The following ADGRF5 variants were observed in gnomAD, a reference collection of about 807,000 sequenced individuals.
ADGRF5 encodes the protein adhesion G protein-coupled receptor F5.
In ADGRF5, 75 loss-of-function variants were observed where a neutral mutation model predicts 132.3. The observed-to-expected ratio is 0.57, with a 90% CI of 0.47 to 0.69. The LOEUF (loss-of-function observed/expected upper bound fraction) is 0.69. Among genes scored for constraint, ADGRF5 ranks in the 30% least tolerant of loss-of-function variants. The pLI is 0.00. For synonymous variants in ADGRF5, 629 were observed against 597.6 expected (o/e 1.05, Z -0.77); for missense variants, 1,516 against 1,630.6 (o/e 0.93, Z 1.21).
intron 3 of ADGRF5, among the ~76,000 whole-genome samples, chr6:46,893,277 G>A (rs986596252): frequency 8.6e-5 from 13 of 151,850 alleles, no homozygotes; most frequent in Non-Finnish European, 1.5e-4. Context: ...CCCCCAGTAC[G>A]CACTTGAAAT....
intron 15 of ADGRF5, 40 bp downstream of exon 15, chr6:46,862,848 C>T (rs1279152889): frequency 3.0e-6 from 4 of 1,323,086 alleles, no homozygotes; most frequent in Non-Finnish European, 4.4e-6. Flanking sequence ...CCAGATAGAT[C>T]GCCCCACCAA....
rs771301621 is a variant in ADGRF5 at position 46,853,785 on chromosome 6, G to A, written c.*207C>T. 203 of 431,198 alleles carry A rather than the reference G, an allele frequency of 4.7e-4. No homozygotes were observed. Among genetic ancestry groups the A allele is most frequent in the South Asian group, 8.2e-4 (32 of 38,996 alleles). The allele number at this position is 431,198 out of a possible 1,614,324, so 26.7% of individuals were successfully genotyped here. ...CTATACACATGTGGTATCACACAAG[G>A]GGGAGGGGGAGGGAACAAACAGAAA... On this transcript the variant is annotated 3_prime_UTR_variant, in exon 21 of 21. Coordinates refer to ENST00000283296, the MANE Select transcript of ADGRF5 (RefSeq NM_001098518.2).
At chr6:46,854,731 T>C (rs1768841906) in intron 20 of ADGRF5, 2 of 1,286,764 alleles carry the variant, frequency 1.6e-6, no homozygotes, top group African/African-American at 1.5e-5. Context: ...ATTGCTGAAC[T>C]GCCACCGCTA....
At chr6:46,855,940 G>T in intron 20 of ADGRF5, 34 bp downstream of exon 20, 2 of 1,252,892 alleles carry the variant, frequency 1.6e-6, no homozygotes, top group South Asian at 1.2e-5. Flanking sequence ...ATGTGTTCTG[G>T]ACAAGCAGGG....
At position 46,856,711 on chromosome 6, in the gene ADGRF5, A is replaced by G. The variant is rs643409; in HGVS notation, c.3876+7T>C. 0.91 allele frequency: 1,147,668 copies of G among 1,267,342 alleles called. 524,585 individuals are homozygous for G. Among genetic ancestry groups the G allele is most frequent in the East Asian group, 0.99 (42,799 of 43,160 alleles). The allele number at this position is 1,267,342 out of a possible 1,614,324, so 78.5% of individuals were successfully genotyped here. ...AAATGAAAAGTCTCTGCAGAGAAAA[A>G]GTTTACCTTTGAGTGCTGTGAAGAC... is the stretch of plus-strand genomic sequence containing the variant. On this transcript the variant is annotated splice_region_variant and intron_variant, in intron 19 of 20. Coordinates refer to ENST00000283296, the MANE Select transcript of ADGRF5 (RefSeq NM_001098518.2).
intron 1 of ADGRF5, among the ~76,000 whole-genome samples, chr6:46,938,056 T>C (rs578054046): frequency 5.9e-5 from 9 of 152,328 alleles, no homozygotes; most frequent in Admixed American, 2.0e-4. Flanking sequence ...TTCAGAGTTA[T>C]CAATACCAGA....
intron 1 of ADGRF5, among the ~76,000 whole-genome samples, chr6:46,945,376 T>C (rs1042064377): frequency 2.6e-5 from 4 of 152,240 alleles, no homozygotes; most frequent in African/African-American, 4.8e-5. Flanking sequence ...GAGAACAAGA[T>C]GTTATTTCAC....
chr6:46,854,452 A>AGG (rs1768805959), intron 20 of ADGRF5, among the ~76,000 whole-genome samples: 1 of 152,106 alleles, frequency 6.6e-6, no homozygotes, highest in African/African-American at 2.4e-5. Context: ...AGCTCTTGGG[A>AGG]GGCACCTAGA....
intron 1 of ADGRF5, among the ~76,000 whole-genome samples, chr6:46,953,675 A>C (rs1270837372): frequency 7.3e-6 from 1 of 136,210 alleles, no homozygotes; most frequent in Non-Finnish European, 1.6e-5. Context: ...ATATATATAT[A>C]TATATATATA....
At chr6:46,941,466 G>GAAAAGAAAAGAAAAGAAAAGA (rs66918453) in intron 1 of ADGRF5, among the ~76,000 whole-genome samples, 24 of 28,044 alleles carry the variant, frequency 8.6e-4, no homozygotes, top group African/African-American at 2.2e-3. Context: ...GAAAAGAAAA[G>GAAAAGAAAAGAAAAGAAAAGA]AAAGAAAAGA....
intron 11 of ADGRF5, chr6:46,869,498 CTT>C (rs1770818599): frequency 2.5e-6 from 1 of 392,376 alleles, no homozygotes; most frequent in Admixed American, 6.4e-5. Flanking sequence ...AATCTCTACT[CTT>C]TTAAAATACT....
rs183668801 is a variant in ADGRF5, at chr6:46,896,009, T to C, written c.157+4020A>G. Among the ~76,000 whole-genome samples, 16 of 152,200 alleles carry C rather than the reference T, an allele frequency of 1.1e-4. No homozygotes were observed. In the East Asian group the frequency reaches 2.7e-3, roughly 26 times the overall value. On this transcript the variant is annotated intron_variant, in intron 3 of 20. Transcript: ENST00000283296. ...CCCAAGTCACATCTGTCCAAGACCT[T>C]TTGCTGTGTTTTTCAAAATGTCTTT...
chr6:46,853,443 G>A lies in ADGRF5; in HGVS notation c.*549C>T, dbSNP rs1380750829. On this transcript the variant is annotated 3_prime_UTR_variant, in exon 21 of 21. Coordinates refer to ENST00000283296, the MANE Select transcript of ADGRF5 (RefSeq NM_001098518.2). ...AAAAATTCTCAATGTTGCACTGAGT[G>A]ATTATATTAGATCATTAACATGGAA... The A allele has an allele frequency of 6.6e-6, 1 of 152,450 alleles. No individual in the cohort carries two copies. The highest frequency in any genetic ancestry group is 1.5e-5 in the Non-Finnish European group (1 of 68,446). 9.4% of individuals were successfully genotyped at this position (152,450 alleles called of 1,614,324 possible).
At chr6:46,867,159 T>C in intron 12 of ADGRF5, 22 bp from the exon 13 acceptor site, 1 of 1,231,038 alleles carries the variant, frequency 8.1e-7, no homozygotes, top group Non-Finnish European at 1.1e-6. Context: ...ACGGCAAAAA[T>C]GAGATGGAAT....
At chr6:46,935,421 G>A (rs1041038381) in intron 1 of ADGRF5, among the ~76,000 whole-genome samples, 4 of 152,110 alleles carry the variant, frequency 2.6e-5, no homozygotes, top group African/African-American at 7.2e-5. Context: ...CTGGTGTCAC[G>A]GATTCCAGAG....
chr6:46,918,055 T>C (rs560921809), intron 1 of ADGRF5, among the ~76,000 whole-genome samples: 2 of 152,358 alleles, frequency 1.3e-5, no homozygotes, highest in East Asian at 1.9e-4. Context: ...GTGATTCTAC[T>C]AGGCTGTAAT....
intron 1 of ADGRF5, among the ~76,000 whole-genome samples, chr6:46,931,814 G>T (rs1166610678): frequency 2.0e-5 from 3 of 152,202 alleles, no homozygotes; most frequent in African/African-American, 7.2e-5. Flanking sequence ...CAGCTACTCG[G>T]GAGGCTGAGG....
At chr6:46,950,367 T>C (rs1414469348) in intron 1 of ADGRF5, among the ~76,000 whole-genome samples, 2 of 152,174 alleles carry the variant, frequency 1.3e-5, no homozygotes, top group African/African-American at 4.8e-5. Context: ...CCTTTAAATA[T>C]TTAAAAGCAG....
At chr6:46,929,192 G>A (rs906672988) in intron 1 of ADGRF5, among the ~76,000 whole-genome samples, 8 of 152,086 alleles carry the variant, frequency 5.3e-5, no homozygotes, top group African/African-American at 1.9e-4. Context: ...GTCCTTTGTA[G>A]GGACATGGAT....
Sources: allele counts gnomAD v4.1 joint callset (sites outside exome capture counted in the v4.1 genomes callset), GRCh38; gene constraint gnomAD v4.1.1; transcripts MANE v1.5; gene names NCBI Gene and HGNC (gene_info 2026-07-23, HGNC 2026-07-21).